Variants in KLHL29 observed in about 807,000 individuals in gnomAD.
KLHL29 encodes kelch like family member 29, also known as kelch-like protein 29.
Under a neutral mutation model 80.4 loss-of-function variants are expected in KLHL29, and 21 were observed. The ratio of observed to expected loss-of-function variants is 0.26; its 90% CI spans 0.19 to 0.38. The LOEUF is 0.38. Ranked by LOEUF, KLHL29 falls within the 10% of genes least tolerant of loss-of-function variation. The pLI is 1.00. For synonymous variants in KLHL29, 511 were observed against 526.8 expected (o/e 0.97, Z 0.41); for missense variants, 867 against 1,223.9 (o/e 0.71, Z 4.35).
chr2:23,495,645 G>A (rs1047404434), intron 2 of KLHL29, among the ~76,000 whole-genome samples: 11 of 152,114 alleles, frequency 7.2e-5, no homozygotes, highest in Admixed American at 7.2e-4. Flanking sequence ...AGCCTGCACC[G>A]TACCCACCTC....
intron 1 of KLHL29, among the ~76,000 whole-genome samples, chr2:23,453,119 A>G (rs1663937664): frequency 6.6e-6 from 1 of 151,918 alleles, no homozygotes; most frequent in Non-Finnish European, 1.5e-5. Flanking sequence ...AAAAAAAAAA[A>G]AAGTAAAAGT....
chr2:23,684,875 T>C lies in KLHL29; in HGVS notation c.1079+338T>C, dbSNP rs570690948. On this transcript the variant is annotated intron_variant, in intron 6 of 13. Coordinates refer to ENST00000486442, the MANE Select transcript of KLHL29 (RefSeq NM_052920.2). The surrounding 1 kb of genome is among the most constrained non-coding windows in gnomAD (Gnocchi z 4.4). ...AGCTGTCCCTGAGATTAGGGGGGAC[T>C]GTAGGCTCCATTTTAAGGGATCACT... Among the ~76,000 whole-genome samples, 2 of 152,286 alleles carry C rather than the reference T, an allele frequency of 1.3e-5. No individual in the cohort carries two copies. Among genetic ancestry groups the C allele is most frequent in the African/African-American group, 4.8e-5 (2 of 41,564 alleles).
At chr2:23,482,061 C>A (rs1374172304) in intron 2 of KLHL29, among the ~76,000 whole-genome samples, 122 of 152,296 alleles carry the variant, frequency 8.0e-4, no homozygotes, top group African/African-American at 2.8e-3. Context: ...TCCTTGTCCG[C>A]TGCCCTCAGT....
At chr2:23,414,749 C>T (rs193091313) in intron 1 of KLHL29, among the ~76,000 whole-genome samples, 21 of 152,302 alleles carry the variant, frequency 1.4e-4, no homozygotes, top group Admixed American at 6.5e-4. Context: ...AGATCCTTGC[C>T]GGTCTCAGAC....
Position 23,682,606 on chromosome 2 carries a change from C to T in KLHL29, c.941-1793C>T, listed in dbSNP as rs1671118354. 6.6e-6 allele frequency among the ~76,000 whole-genome samples: 1 copy of T among 152,146 alleles called. No individual in the cohort carries two copies. Among genetic ancestry groups the T allele is most frequent in the African/African-American group, 2.4e-5 (1 of 41,428 alleles). On this transcript the variant is annotated intron_variant, in intron 5 of 13. Coordinates refer to ENST00000486442, the MANE Select transcript of KLHL29 (RefSeq NM_052920.2). This position sits in a 1 kb window ranked among gnomAD's most constrained non-coding sequence, Gnocchi z 4.1. ...TGTTGCGATCTGGCCCCGCCCACCG[C>T]CTCATTGTGTTCCCTGTTGCCCATG...
intron 2 of KLHL29, among the ~76,000 whole-genome samples, chr2:23,487,761 A>C (rs1325254545): frequency 6.6e-6 from 1 of 152,166 alleles, no homozygotes; most frequent in African/African-American, 2.4e-5. Context: ...GCCCATAGTC[A>C]TGAAGGTCCC....
intron 3 of KLHL29, among the ~76,000 whole-genome samples, chr2:23,570,489 C>G (rs1388905840): frequency 6.6e-6 from 1 of 152,216 alleles, no homozygotes; most frequent in Admixed American, 6.5e-5. Flanking sequence ...CTCCCCAAGG[C>G]TCCAGTTAAG....
At chr2:23,386,168 G>T (rs899477235) in intron 1 of KLHL29, among the ~76,000 whole-genome samples, 5 of 151,954 alleles carry the variant, frequency 3.3e-5, no homozygotes, top group Non-Finnish European at 7.4e-5. Flanking sequence ...CCCCTGAGCG[G>T]CCCAGGGCCC....
intron 2 of KLHL29, among the ~76,000 whole-genome samples, chr2:23,537,320 C>CA (rs1430185745): frequency 6.6e-6 from 1 of 152,086 alleles, no homozygotes; most frequent in African/African-American, 2.4e-5. Flanking sequence ...CCTTCTCCAT[C>CA]ATACTACAGT....
intron 3 of KLHL29, among the ~76,000 whole-genome samples, chr2:23,591,955 G>C (rs1464779488): frequency 6.6e-6 from 1 of 152,204 alleles, no homozygotes; most frequent in East Asian, 1.9e-4. Flanking sequence ...AGTCTTTCTT[G>C]CCAAGCCCGT....
At chr2:23,638,604 G>T (rs1669681746) in intron 3 of KLHL29, among the ~76,000 whole-genome samples, 1 of 152,184 alleles carries the variant, frequency 6.6e-6, no homozygotes, top group Non-Finnish European at 1.5e-5. Context: ...TCAGAGGCTG[G>T]TGTGGGGGCA....
intron 1 of KLHL29, among the ~76,000 whole-genome samples, chr2:23,454,793 AT>A (rs11395788): frequency 6.6e-6 from 1 of 150,654 alleles, no homozygotes; most frequent in African/African-American, 2.5e-5. Context: ...TTCCTCAATG[AT>A]TTTTTTTTAA....
intron 2 of KLHL29, among the ~76,000 whole-genome samples, chr2:23,539,047 G>A (rs1483152734): frequency 1.3e-5 from 2 of 152,196 alleles, no homozygotes; most frequent in Non-Finnish European, 2.9e-5. Flanking sequence ...GGGAAAGATC[G>A]TACCAGCAAG....
chr2:23,551,102 C>T (rs1358806837), intron 2 of KLHL29, among the ~76,000 whole-genome samples: 1 of 152,228 alleles, frequency 6.6e-6, no homozygotes, highest in Non-Finnish European at 1.5e-5. Context: ...GGTTGATGCT[C>T]CTCTACGTAA....
rs1234537069 is a variant in KLHL29 at position 23,681,562 on chromosome 2, C to G, written c.941-2837C>G. On this transcript the variant is annotated intron_variant, in intron 5 of 13. Coordinates refer to ENST00000486442, the MANE Select transcript of KLHL29 (RefSeq NM_052920.2). The surrounding 1 kb of genome is among the most constrained non-coding windows in gnomAD (Gnocchi z 4.2). Reference sequence around the variant, plus strand: ...CCAGGCCCCTAAGCACTGATTAACTCAGCAGGCATGTGGGGCCACATCTGT... The same window carrying G: ...CCAGGCCCCTAAGCACTGATTAACTGAGCAGGCATGTGGGGCCACATCTGT... Among the ~76,000 whole-genome samples, 1 of 152,162 alleles carries G rather than the reference C, an allele frequency of 6.6e-6. No individual in the cohort carries two copies. The highest frequency in any genetic ancestry group is 1.9e-4 in the East Asian group (1 of 5,188).
intron 1 of KLHL29, among the ~76,000 whole-genome samples, chr2:23,431,766 C>G (rs1299918514): frequency 6.6e-6 from 1 of 151,352 alleles, no homozygotes; most frequent in East Asian, 1.9e-4. Flanking sequence ...TTGTGGCGGG[C>G]GCCTGTAGTC....
In KLHL29 at chr2:23,642,644, C is replaced by T. The variant is rs1347640053; in HGVS notation, c.734C>T (p.Ala245Val). 1.3e-6 allele frequency: 2 copies of T among 1,549,408 alleles called. No homozygotes were observed. The highest frequency in any genetic ancestry group is 1.7e-6 in the Non-Finnish European group (2 of 1,146,446). The change falls in exon 5 of 14, where the codon GCC becomes GTC. Residue 245 changes from alanine to valine, a missense_variant. Coordinates refer to ENST00000486442, the MANE Select transcript of KLHL29 (RefSeq NM_052920.2). Reference sequence around the variant, plus strand: ...ACACTGCCCGGTGTGGGGCAGGTGGCCCGCCCAGGACCCACCGCTGTGGGC... The same window carrying T: ...ACACTGCCCGGTGTGGGGCAGGTGGTCCGCCCAGGACCCACCGCTGTGGGC... ...VSTLPGVGQV[A>V]RPGPTAVGNG...
At chr2:23,606,202 G>GAGAGAGAGAGAGAGGC (rs1668724235) in intron 3 of KLHL29, among the ~76,000 whole-genome samples, 1 of 143,984 alleles carries the variant, frequency 6.9e-6, no homozygotes, top group Admixed American at 6.9e-5. Context: ...GAGAGAGAGG[G>GAGAGAGAGAGAGAGGC]AGAGAGAGAG....
intron 1 of KLHL29, among the ~76,000 whole-genome samples, chr2:23,427,306 A>G (rs1663030529): frequency 6.6e-6 from 1 of 152,222 alleles, no homozygotes; most frequent in Admixed American, 6.5e-5. Context: ...ACCACAGGAA[A>G]TGAATGAATC....
Sources: allele counts gnomAD v4.1 joint callset (sites outside exome capture counted in the v4.1 genomes callset), GRCh38; gene constraint gnomAD v4.1.1; non-coding constraint Gnocchi (gnomAD v3.1); transcripts MANE v1.5; gene names NCBI Gene and HGNC (gene_info 2026-07-23, HGNC 2026-07-21).